Variants in VWA8 observed in about 807,000 individuals in gnomAD.
The protein encoded by VWA8 is von Willebrand factor A domain-containing protein 8.
A neutral mutation model predicts 241.5 loss-of-function variants in VWA8; 221 were observed. The ratio of observed to expected loss-of-function variants is 0.91; its 90% CI spans 0.82 to 1.02. The LOEUF (loss-of-function observed/expected upper bound fraction) is 1.02. Ranked by LOEUF, VWA8 falls within the 50% of genes least tolerant of loss-of-function variation. The pLI, the probability that VWA8 is intolerant of heterozygous loss-of-function variation, is 0.00. For missense variants in VWA8, 2,322 were observed against 2,328.7 expected (o/e 1.00, Z 0.06); for synonymous variants, 852 against 827.1 (o/e 1.03, Z -0.52).
intron 14 of VWA8, among the ~76,000 whole-genome samples, chr13:41,825,726 A>G (rs1019410683): frequency 2.6e-5 from 4 of 152,224 alleles, no homozygotes; most frequent in African/African-American, 9.6e-5. Flanking sequence ...TTTAAAGACT[A>G]TTAGAAATAA....
chr13:41,794,886 C>A (rs572659238), intron 17 of VWA8, among the ~76,000 whole-genome samples: 2 of 152,112 alleles, frequency 1.3e-5, no homozygotes, highest in South Asian at 4.1e-4. Context: ...AGGACATAGG[C>A]ACAGGCAAAG....
chr13:41,801,376 G>A (rs2137961446), intron 17 of VWA8, among the ~76,000 whole-genome samples: 1 of 152,078 alleles, frequency 6.6e-6, no homozygotes, highest in South Asian at 2.1e-4. Flanking sequence ...GCAACACAAG[G>A]AGCTTAATTT....
chr13:41,636,347 A>G (rs185709841), intron 37 of VWA8, among the ~76,000 whole-genome samples: 17 of 152,352 alleles, frequency 1.1e-4, no homozygotes, highest in Admixed American at 8.5e-4. Context: ...TATTTAATAA[A>G]TGGTGGTGGG....
At chr13:41,584,636 C>A (rs1224663159) in intron 42 of VWA8, among the ~76,000 whole-genome samples, 1 of 152,146 alleles carries the variant, frequency 6.6e-6, no homozygotes, top group Non-Finnish European at 1.5e-5. Flanking sequence ...GGACTAAAAC[C>A]ATTAACGTGC....
At chr13:41,773,642 T>A (rs1315944862) in intron 20 of VWA8, among the ~76,000 whole-genome samples, 1 of 152,152 alleles carries the variant, frequency 6.6e-6, no homozygotes, top group Non-Finnish European at 1.5e-5. Flanking sequence ...CTTGCCCAGA[T>A]CTTAGCACAG....
intron 12 of VWA8, chr13:41,865,278 G>T: frequency 2.7e-6 from 1 of 370,026 alleles, no homozygotes; most frequent in Non-Finnish European, 5.3e-6. Flanking sequence ...GGTAATTAAG[G>T]TGTCAATTAC....
chr13:41,824,592 G>A lies in VWA8; in HGVS notation c.1701-5206C>T, dbSNP rs1593796110. Among the ~76,000 whole-genome samples, 3 of 152,070 alleles carry A rather than the reference G, an allele frequency of 2.0e-5. No individual in the cohort carries two copies. In the East Asian group the frequency reaches 5.8e-4, roughly 29 times the overall value. On this transcript the variant is annotated intron_variant, in intron 14 of 44. Transcript: ENST00000379310. ...CCTGTAATCCCAGCATTTTAGGAGG[G>A]TGAGGAGGGAGGACTGCTTGAGGCT... is the stretch of plus-strand genomic sequence containing the variant.
intron 21 of VWA8, among the ~76,000 whole-genome samples, chr13:41,749,050 C>G (rs2045632802): frequency 6.6e-6 from 1 of 152,152 alleles, no homozygotes; most frequent in Admixed American, 6.5e-5. Context: ...GCAAAAGAAA[C>G]TACCATCAGA....
chr13:41,619,502 CTA>C (rs1351678493), intron 37 of VWA8, among the ~76,000 whole-genome samples: 2 of 152,192 alleles, frequency 1.3e-5, no homozygotes, highest in Non-Finnish European at 2.9e-5. Context: ...ACTTCCAACA[CTA>C]TGTTGAATAG....
rs2045188684 is a variant in VWA8 at position 41,692,930 on chromosome 13, GA to G, written c.3606del (p.His1203IlefsTer48). 1 of 1,611,048 alleles carries G rather than the reference GA, an allele frequency of 6.2e-7. No homozygotes were observed. Among genetic ancestry groups the G allele is most frequent in the South Asian group, 1.1e-5 (1 of 90,958 alleles). On this transcript the variant is annotated frameshift_variant, in exon 30 of 45. Coordinates refer to ENST00000379310, the MANE Select transcript of VWA8 (RefSeq NM_015058.2). LOFTEE classifies it high-confidence loss of function. ...TTCTCGGAAGGGAGGATGAGACGATGAAGGGCCCGGCCAGTAGTATCTAACA... is the reference window on the plus strand; with the variant it reads ...TTCTCGGAAGGGAGGATGAGACGATGAGGGCCCGGCCAGTAGTATCTAACA... ...ILLLDTTGRA[L>X]HRLILPSEKF...
chr13:41,586,025 A>G (rs1312995724), intron 42 of VWA8, among the ~76,000 whole-genome samples: 15 of 152,064 alleles, frequency 9.9e-5, no homozygotes, highest in Admixed American at 9.8e-4. Context: ...GGATATGGGT[A>G]TTTATGCTGA....
intron 12 of VWA8, among the ~76,000 whole-genome samples, chr13:41,841,863 A>G (rs1333616781): frequency 1.4e-4 from 16 of 112,510 alleles, no homozygotes; most frequent in African/African-American, 4.5e-4. Flanking sequence ...ATATATAAAA[A>G]CAGTAGACAT....
At chr13:41,797,285 C>A (rs1357745336) in intron 17 of VWA8, among the ~76,000 whole-genome samples, 1 of 151,984 alleles carries the variant, frequency 6.6e-6, no homozygotes, top group African/African-American at 2.4e-5. Context: ...CATGATCCAC[C>A]CACCTCGGCC....
chr13:41,891,003 TAGCTTCC>T (rs1033271423), intron 5 of VWA8, among the ~76,000 whole-genome samples: 10 of 152,280 alleles, frequency 6.6e-5, no homozygotes, highest in African/African-American at 2.4e-4. Flanking sequence ...ACTGGACCTT[TAGCTTCC>T]TGAAGCTAAA....
chr13:41,650,523 G>C (rs1380916241), intron 37 of VWA8, among the ~76,000 whole-genome samples: 1 of 152,224 alleles, frequency 6.6e-6, no homozygotes, highest in East Asian at 1.9e-4. Flanking sequence ...AAAAGGCTCA[G>C]CCTGGAAAAC....
chr13:41,891,837 A>T (rs1025574901), intron 4 of VWA8, among the ~76,000 whole-genome samples: 2 of 152,226 alleles, frequency 1.3e-5, no homozygotes, highest in African/African-American at 4.8e-5. Context: ...AGTTCCTTTC[A>T]GCCTTGATAT....
intron 26 of VWA8, among the ~76,000 whole-genome samples, 194 bp from the exon 27 acceptor site, chr13:41,703,605 G>A (rs191416234): frequency 4.6e-5 from 7 of 152,120 alleles, no homozygotes; most frequent in Admixed American, 3.3e-4. Context: ...AAAAGATCTC[G>A]CATTTCAGAA....
intron 39 of VWA8, among the ~76,000 whole-genome samples, chr13:41,608,758 C>T (rs1448142343): frequency 2.0e-5 from 3 of 152,238 alleles, no homozygotes; most frequent in East Asian, 1.9e-4. Context: ...ATTTCATTTG[C>T]TTTTCACTGG....
chr13:41,831,547 C>T (rs1871453124), intron 13 of VWA8, among the ~76,000 whole-genome samples: 1 of 151,810 alleles, frequency 6.6e-6, no homozygotes, highest in Non-Finnish European at 1.5e-5. Context: ...TTTAAAAATG[C>T]CAATGTTCAG....
Sources: allele counts gnomAD v4.1 joint callset (sites outside exome capture counted in the v4.1 genomes callset), GRCh38; gene constraint gnomAD v4.1.1; transcripts MANE v1.5; gene names NCBI Gene and HGNC (gene_info 2026-07-23, HGNC 2026-07-21).